The following DMD variants were observed in gnomAD, a reference collection of about 807,000 sequenced individuals.
DMD encodes dystrophin.
DMD carries 63 observed loss-of-function variants against 330.1 expected under a neutral mutation model. The ratio of observed to expected loss-of-function variants is 0.19; its 90% CI spans 0.16 to 0.24. DMD has a LOEUF of 0.24. DMD is among the 10% of genes least tolerant of loss of function. The pLI is 1.00. For missense variants in DMD, 3,344 were observed against 2,684.1 expected, an observed-to-expected ratio of 1.25 and a Z score of -5.43; for synonymous variants, 1,223 against 959.8, an observed-to-expected ratio of 1.27 and a Z score of -5.07.
At chrX:31,870,161 C>G (rs778317013) in intron 48 of DMD, among the ~76,000 whole-genome samples, 4 of 111,794 alleles carry the variant, frequency 3.6e-5, no homozygotes, top group Non-Finnish European at 5.6e-5. Flanking sequence ...TAAAAATACC[C>G]TGAGTTTGAC....
At chrX:32,903,557 T>C (rs771125789) in intron 2 of DMD, among the ~76,000 whole-genome samples, 4 of 111,692 alleles carry the variant, frequency 3.6e-5, no homozygotes, top group Admixed American at 1.9e-4. Flanking sequence ...CAGTCCCTCA[T>C]ACCCAGAGAT....
intron 19 of DMD, among the ~76,000 whole-genome samples, chrX:32,495,797 T>C (rs976365101): frequency 2.7e-5 from 3 of 112,047 alleles, no homozygotes; most frequent in Non-Finnish European, 5.6e-5. Flanking sequence ...TTTGTAAGTG[T>C]AAATATCTGA....
chrX:32,423,828 C>G lies in DMD; in HGVS notation c.4072-11915G>C, dbSNP rs1030794604. ...ATAGAGGGTAACTACATTTAAAATA[C>G]AAGATGTATTTTAAAATATTATTAA... is the stretch of plus-strand genomic sequence containing the variant. On this transcript the variant is annotated intron_variant, in intron 29 of 78. Transcript: ENST00000357033. Among the ~76,000 whole-genome samples the G allele has an allele frequency of 4.5e-5, 5 of 110,478 alleles. No homozygotes were observed. The East Asian group carries it at 1.1e-3, about 25-fold the overall frequency.
chrX:32,548,574 T>G, intron 16 of DMD, among the ~76,000 whole-genome samples: 1 of 111,850 alleles, frequency 8.9e-6, no homozygotes, highest in Non-Finnish European at 1.9e-5. Flanking sequence ...AAACGTTTGC[T>G]TTACACTATT....
chrX:33,153,187 G>T (rs1325070135), intron 1 of DMD, among the ~76,000 whole-genome samples: 2 of 112,848 alleles, frequency 1.8e-5, no homozygotes, highest in Non-Finnish European at 3.7e-5. Context: ...GAGGCAGGCG[G>T]ATCACCTAAG....
At chrX:32,648,932 A>G (rs1367792109) in intron 9 of DMD, among the ~76,000 whole-genome samples, 1 of 111,353 alleles carries the variant, frequency 9.0e-6, no homozygotes, top group African/African-American at 3.3e-5. Context: ...TATTTATAAG[A>G]AAGATAGACC....
chrX:32,152,906 T>C (rs1249857684), intron 44 of DMD, among the ~76,000 whole-genome samples: 1 of 112,153 alleles, frequency 8.9e-6, no homozygotes, highest in Non-Finnish European at 1.9e-5. Flanking sequence ...TTTTATACCT[T>C]TACTTTGAAT....
chrX:31,233,149 G>A (rs1274698445), intron 63 of DMD, among the ~76,000 whole-genome samples: 1 of 111,688 alleles, frequency 9.0e-6, no homozygotes, highest in African/African-American at 3.3e-5. Flanking sequence ...AGGCCACTCT[G>A]GCTGCTGGAA....
At chrX:33,127,502 A>T in intron 1 of DMD, among the ~76,000 whole-genome samples, 1 of 111,450 alleles carries the variant, frequency 9.0e-6, no homozygotes, top group Middle Eastern at 4.7e-3. Context: ...TTTGCTTCCT[A>T]ATAAGTTGTG....
At chrX:31,526,298 A>C (rs2073235441) in intron 55 of DMD, among the ~76,000 whole-genome samples, 1 of 112,282 alleles carries the variant, frequency 8.9e-6, no homozygotes, top group African/African-American at 3.2e-5. Flanking sequence ...CTAAATAGTG[A>C]ATTAACACAG....
At chrX:32,635,102 C>T (rs938307206) in intron 11 of DMD, among the ~76,000 whole-genome samples, 7 of 111,553 alleles carry the variant, frequency 6.3e-5, no homozygotes, top group Admixed American at 4.8e-4. Context: ...TGTTCTTTGT[C>T]GGTTTCCACT....
chrX:31,691,143 T>C (rs1285911845), intron 52 of DMD, among the ~76,000 whole-genome samples: 1 of 110,933 alleles, frequency 9.0e-6, no homozygotes, highest in African/African-American at 3.3e-5. Context: ...GTTGTGATGT[T>C]AGAAACATAA....
intron 76 of DMD, among the ~76,000 whole-genome samples, chrX:31,139,457 T>A (rs1358467781): frequency 1.0e-5 from 1 of 97,663 alleles, no homozygotes; most frequent in Non-Finnish European, 2.1e-5. Flanking sequence ...AAATGCAGTA[T>A]GTACGTGGTG....
At chrX:33,262,762 T>C in intron 1 of DMD, among the ~76,000 whole-genome samples, 1 of 110,573 alleles carries the variant, frequency 9.0e-6, no homozygotes. Context: ...TTATTCACTA[T>C]TCACAAAAAA....
At position 31,661,038 on chromosome X, in the gene DMD, T is replaced by C. The variant is rs756846863; in HGVS notation, c.7873-2894A>G. On this transcript the variant is annotated intron_variant, in intron 53 of 78. Transcript: ENST00000357033. ...AATTTTCCAAAATCTCTGAAAGAAA[T>C]AGTAAGCTAGAGTTAAATGACAGAT... is the stretch of plus-strand genomic sequence containing the variant. 1.1e-4 allele frequency among the ~76,000 whole-genome samples: 12 copies of C among 112,169 alleles called. No individual in the cohort carries two copies. In the South Asian group the frequency reaches 1.8e-3, roughly 17 times the overall value.
rs187088032 is a variant in DMD at position 32,985,317 on chromosome X, T to A, written c.93+34822A>T. ...TGCACTATTATGATGTTTTCCCCAA[T>A]GCAAGATAATATTTTCTAAGATTTT... On this transcript the variant is annotated intron_variant, in intron 2 of 78. Coordinates refer to ENST00000357033, the MANE Select transcript of DMD (RefSeq NM_004006.3). Among the ~76,000 whole-genome samples, 559 of 112,197 alleles carry A rather than the reference T, an allele frequency of 5.0e-3. 6 individuals are homozygous for A. Among genetic ancestry groups the A allele is most frequent in the African/African-American group, 0.018 (542 of 30,970 alleles).
intron 52 of DMD, among the ~76,000 whole-genome samples, chrX:31,688,942 A>G (rs1215634640): frequency 8.9e-6 from 1 of 111,945 alleles, no homozygotes; most frequent in Non-Finnish European, 1.9e-5. Context: ...AAAACTCTCG[A>G]TAAATTAGGT....
Position 32,778,186 on chromosome X carries a change from C to A in DMD, c.649+31307G>T, listed in dbSNP as rs377202598. 6.4e-5 allele frequency among the ~76,000 whole-genome samples: 7 copies of A among 108,591 alleles called. No individual in the cohort carries two copies. In the East Asian group the frequency reaches 1.7e-3, roughly 27 times the overall value. 94.3% of individuals were successfully genotyped at this position (108,591 alleles called of 115,157 possible). On this transcript the variant is annotated intron_variant, in intron 7 of 78. Transcript: ENST00000357033. ...GGTAAGAAGCGTAGAGGATAATATT[C>A]CCTGAAAACAGTAGGGATTTCTACT...
chrX:31,470,550 C>T (rs1461747596), intron 59 of DMD, among the ~76,000 whole-genome samples: 1 of 112,021 alleles, frequency 8.9e-6, no homozygotes, highest in Non-Finnish European at 1.9e-5. Flanking sequence ...CTGCCAGATG[C>T]CAGCCAGAGC....
Sources: allele counts gnomAD v4.1 joint callset (sites outside exome capture counted in the v4.1 genomes callset), GRCh38; gene constraint gnomAD v4.1.1; transcripts MANE v1.5; gene names NCBI Gene and HGNC (gene_info 2026-07-23, HGNC 2026-07-21).